The following CEP72 variants were observed in gnomAD, a reference collection of about 807,000 sequenced individuals.
The protein encoded by CEP72 is centrosomal protein of 72 kDa.
CEP72 carries 78 observed loss-of-function variants against 65.7 expected under a neutral mutation model. That is an observed-to-expected ratio of 1.19 (90% confidence interval 0.99 to 1.43). The LOEUF is 1.43. Ranked by LOEUF, CEP72 falls within the 40% of genes most tolerant of loss-of-function variation. The probability of loss-of-function intolerance (pLI) is 0.00; values close to 1 mark genes in which losing one functional copy is unlikely to be tolerated. For synonymous variants in CEP72, 358 were observed against 351.7 expected (o/e 1.02, Z -0.20); for missense variants, 914 against 832.9 (o/e 1.10, Z -1.20).
the CEP72 span, chr5:676,485 G>A: frequency 6.6e-6 from 1 of 152,282 alleles, no homozygotes; most frequent in African/African-American, 2.4e-5. Context: ...GGCCGCAGAG[G>A]GGGAAGGTGC....
At chr5:635,787 T>C (rs550236380) in intron 6 of CEP72, among the ~76,000 whole-genome samples, 1 of 129,458 alleles carries the variant, frequency 7.7e-6, no homozygotes, top group Admixed American at 8.0e-5. Flanking sequence ...GACAGAGAAA[T>C]GGAGCTAGAC....
chr5:638,724 C>T (rs778297265), intron 7 of CEP72, among the ~76,000 whole-genome samples: 3 of 152,176 alleles, frequency 2.0e-5, no homozygotes, highest in South Asian at 2.1e-4. Context: ...ACCAGCCTGA[C>T]TGTGGGTGCA....
At chr5:648,537 T>TGACTGTGAGGTGTGACTGTGAGGTGTG (rs1738596382) in intron 11 of CEP72, among the ~76,000 whole-genome samples, 1 of 77,836 alleles carries the variant, frequency 1.3e-5, no homozygotes, top group Admixed American at 1.3e-4. Flanking sequence ...CTGTGAGGTG[T>TGACTGTGAGGTGTGACTGTGAGGTGTG]GACTGTGAGG....
In CEP72 at chr5:624,205, G is replaced by A. The variant is rs1300422924; in HGVS notation, c.404-266G>A. ...CACCCGGTGTGCACTTTAGAGAAAG[G>A]GTGTGCGTGTGTGTGTGTGAGCCTC... On this transcript the variant is annotated intron_variant, in intron 3 of 11. Transcript: ENST00000264935. This position sits in a 1 kb window ranked among gnomAD's most constrained non-coding sequence, Gnocchi z 4.7. 6.6e-6 allele frequency among the ~76,000 whole-genome samples: 1 copy of A among 152,228 alleles called. No homozygotes were observed. Among genetic ancestry groups the A allele is most frequent in the Non-Finnish European group, 1.5e-5 (1 of 68,048 alleles).
Position 640,545 on chromosome 5 carries a change from C to T in CEP72, c.1480C>T (p.Gln494Ter). The change falls in exon 9 of 12, where the codon CAG (glutamine) becomes TAG (stop). Residue 494 changes from glutamine to a stop codon, truncating the protein, a stop_gained. Coordinates refer to ENST00000264935, the MANE Select transcript of CEP72 (RefSeq NM_018140.4). LOFTEE classifies it high-confidence loss of function. ...AAGCCGCCTTGCTGAGCAGCAGCAGCAGCACGCCCGGGAGATGAGCGAGGT... is the reference window on the plus strand; with the variant it reads ...AAGCCGCCTTGCTGAGCAGCAGCAGTAGCACGCCCGGGAGATGAGCGAGGT... Reference protein sequence around the residue: ...LQSRLAEQQQQHAREMSEVTA... With the variant: ...LQSRLAEQQQ The T allele has an allele frequency of 6.2e-7, 1 of 1,614,144 alleles. No individual in the cohort carries two copies. Among genetic ancestry groups the T allele is most frequent in the African/African-American group, 1.3e-5 (1 of 75,072 alleles).
Position 623,004 on chromosome 5 carries a change from GAGA to G in CEP72, c.404-1464_404-1462del, listed in dbSNP as rs1230569743. ...GATTCAGAATCTTAGTGTTTCTGCA[GAGA>G]AGGAGCGCAGCCGTCTCCCCTCTTA... On this transcript the variant is annotated intron_variant, in intron 3 of 11. Transcript: ENST00000264935. This position sits in a 1 kb window ranked among gnomAD's most constrained non-coding sequence, Gnocchi z 5.3. 1.1e-4 allele frequency among the ~76,000 whole-genome samples: 16 copies of G among 152,330 alleles called. No homozygotes were observed. Among genetic ancestry groups the G allele is most frequent in the African/African-American group, 2.9e-4 (12 of 41,582 alleles).
Position 640,531 on chromosome 5 carries a change from C to T in CEP72, c.1466C>T (p.Ala489Val). 3 of 1,614,180 alleles carry T rather than the reference C, an allele frequency of 1.9e-6. No individual in the cohort carries two copies. The highest frequency in any genetic ancestry group is 2.5e-6 in the Non-Finnish European group (3 of 1,180,046). ...LESKSLQSRL[A>V]EQQQQHAREM... ...AGTAAGTCCCTGCAAAGCCGCCTTGCTGAGCAGCAGCAGCAGCACGCCCGG... is the reference window on the plus strand; with the variant it reads ...AGTAAGTCCCTGCAAAGCCGCCTTGTTGAGCAGCAGCAGCAGCACGCCCGG... Residue 489 changes from alanine (A) to valine (V), a missense_variant, in exon 9 of 12, where the codon GCT (alanine) becomes GTT (valine). Coordinates refer to ENST00000264935, the MANE Select transcript of CEP72 (RefSeq NM_018140.4).
At chr5:634,240 T>G (rs1480880855) in intron 5 of CEP72, among the ~76,000 whole-genome samples, 1 of 152,248 alleles carries the variant, frequency 6.6e-6, no homozygotes, top group Non-Finnish European at 1.5e-5. Flanking sequence ...CCTAGTGTCC[T>G]GTGGCAAGTG....
chr5:632,687 C>T (rs76792460), intron 4 of CEP72, among the ~76,000 whole-genome samples: 47 of 23,540 alleles, frequency 2.0e-3, no homozygotes, highest in East Asian at 3.6e-3. Flanking sequence ...TGTCCAGTGC[C>T]GGGATTTGAC....
At chr5:669,328 C>A (rs866424108), downstream of CEP72, among the ~76,000 whole-genome samples, 1 of 152,052 alleles carries the variant, frequency 6.6e-6, no homozygotes, top group Non-Finnish European at 1.5e-5. Context: ...TGGGGGTCCG[C>A]GGTGTTGGGG....
rs751047541 is a variant in CEP72, at chr5:640,526, C to T, written c.1461C>T (p.Arg487=). 6.2e-6 allele frequency: 10 copies of T among 1,614,066 alleles called. No individual in the cohort carries two copies. Among genetic ancestry groups the T allele is most frequent in the Non-Finnish European group, 1.7e-6 (2 of 1,180,052 alleles). Residue 487 remains arginine (R), a synonymous_variant, in exon 9 of 12, where the codon CGC becomes CGT. Transcript: ENST00000264935. The part of the protein sequence containing the change: ...LALESKSLQS[R]LAEQQQQHAR... Reference sequence around the variant, plus strand: ...TGGAGAGTAAGTCCCTGCAAAGCCGCCTTGCTGAGCAGCAGCAGCAGCACG... The same window carrying T: ...TGGAGAGTAAGTCCCTGCAAAGCCGTCTTGCTGAGCAGCAGCAGCAGCACG...
intron 10 of CEP72, among the ~76,000 whole-genome samples, 187 bp from the exon 11 acceptor site, chr5:647,618 C>T (rs1301624667): frequency 6.6e-6 from 1 of 152,250 alleles, no homozygotes; most frequent in Non-Finnish European, 1.5e-5. Flanking sequence ...AGGGTAGAAA[C>T]AGCACAGGGA....
At chr5:643,543 AC>A in intron 9 of CEP72, 1 of 985,182 alleles carries the variant, frequency 1.0e-6, no homozygotes, top group Non-Finnish European at 1.2e-6. Context: ...AAGCGGCGAT[AC>A]CCCCAGCACG....
chr5:665,660 C>A (rs1479223855), intron 3 of CEP72, among the ~76,000 whole-genome samples: 3 of 136,736 alleles, frequency 2.2e-5, no homozygotes, highest in Non-Finnish European at 3.2e-5. Flanking sequence ...CCCCCCCAGG[C>A]CACGCCGACC....
At chr5:616,574 G>A (rs1561022929) in intron 1 of CEP72, among the ~76,000 whole-genome samples, 1 of 152,078 alleles carries the variant, frequency 6.6e-6, no homozygotes, top group Non-Finnish European at 1.5e-5. Flanking sequence ...TCTGCTTCCT[G>A]TTTAAATCCC....
intron 4 of CEP72, among the ~76,000 whole-genome samples, chr5:633,539 G>C (rs183959891): frequency 6.6e-6 from 1 of 152,364 alleles, no homozygotes; most frequent in East Asian, 1.9e-4. Context: ...GTTCTGTCCA[G>C]TGCCGGGATG....
Position 647,920 on chromosome 5 carries a change from C to T in CEP72, c.1778+4C>T, listed in dbSNP as rs539794666. ...AGATGCTGCAGGAGAGCCACAGGTG[C>T]CTGCCCGTGAGACTTGGGTGGGCCC... On this transcript the variant is annotated splice_donor_region_variant and intron_variant, in intron 11 of 11. Transcript: ENST00000264935. 1 of 1,606,146 alleles carries T rather than the reference C, an allele frequency of 6.2e-7. No homozygotes were observed. The highest frequency in any genetic ancestry group is 1.1e-5 in the South Asian group (1 of 90,360).
chr5:629,014 C>G (rs1737024266), intron 4 of CEP72, among the ~76,000 whole-genome samples: 1 of 151,942 alleles, frequency 6.6e-6, no homozygotes. Context: ...TTCTGGAGAA[C>G]TCAGATCGCA....
chr5:650,937 TGACTGTGAGGCGTGGACTGTGAGGCGTG>T (rs1423019384), intron 11 of CEP72, among the ~76,000 whole-genome samples: 1 of 1,004 alleles, frequency 1.0e-3, no homozygotes. Flanking sequence ...CTGTGAGGTG[TGACTGTGAGGCGTGGACTGTGAGGCGTG>T]GACTGTGAGG....
Sources: gnomAD v4.1 joint callset for allele counts (sites outside exome capture counted in the v4.1 genomes callset) on GRCh38, gnomAD v4.1.1 for gene constraint, Gnocchi (gnomAD v3.1) non-coding constraint, MANE v1.5 for transcripts, NCBI Gene and HGNC (gene_info 2026-07-23, HGNC 2026-07-21) for gene names.